The following GRIK2 variants were observed in gnomAD, a reference collection of about 807,000 sequenced individuals.
GRIK2 encodes glutamate ionotropic receptor kainate type subunit 2.
In GRIK2, 32 loss-of-function variants were observed where a neutral mutation model predicts 100.3. The observed-to-expected ratio is 0.32, with a 90% confidence interval of 0.24 to 0.43. The LOEUF is 0.43. Among genes scored for constraint, GRIK2 ranks in the 20% least tolerant of loss-of-function variants. GRIK2 has a pLI of 1.00. For missense variants in GRIK2, 843 were observed against 1,114.9 expected (o/e 0.76, Z 3.47); for synonymous variants, 417 against 389.4 (o/e 1.07, Z -0.83).
chr6:101,396,896 G>A lies in GRIK2; in HGVS notation c.-293-2089G>A, dbSNP rs187054781. ...ATATGTGCAAAATTGGTTCTTTGGGGATCAATTAATATTAAAAAAGTACAA... is the reference window on the plus strand; with the variant it reads ...ATATGTGCAAAATTGGTTCTTTGGGAATCAATTAATATTAAAAAAGTACAA... On this transcript the variant is annotated intron_variant, in intron 1 of 16. Coordinates refer to ENST00000369134, the MANE Select transcript of GRIK2 (RefSeq NM_021956.5). 1.6e-3 allele frequency among the ~76,000 whole-genome samples: 246 copies of A among 152,088 alleles called. 1 individual carries two copies. Among genetic ancestry groups the A allele is most frequent in the Middle Eastern group, 3.4e-3 (1 of 294 alleles).
intron 14 of GRIK2, chr6:101,993,284 C>T (rs1381934326): frequency 1.3e-5 from 2 of 151,034 alleles, no homozygotes; most frequent in Non-Finnish European, 3.0e-5. Context: ...TGATTAATCT[C>T]TTCCATCTTA....
chr6:101,884,455 T>C (rs193228899), intron 11 of GRIK2, among the ~76,000 whole-genome samples: 1 of 152,260 alleles, frequency 6.6e-6, no homozygotes, highest in Admixed American at 6.6e-5. Context: ...TTCTTTGATT[T>C]CTGAAACTTC....
At chr6:101,919,392 A>T (rs1176529415) in intron 12 of GRIK2, among the ~76,000 whole-genome samples, 3 of 151,824 alleles carry the variant, frequency 2.0e-5, no homozygotes, top group African/African-American at 7.2e-5. Flanking sequence ...AAATAGTAAA[A>T]GAAGATACAC....
intron 14 of GRIK2, among the ~76,000 whole-genome samples, chr6:101,988,128 TGTGTGCGCGCGCGCGCGC>T (rs1467255229): frequency 5.0e-5 from 1 of 20,170 alleles, no homozygotes; most frequent in East Asian, 1.3e-3. Flanking sequence ...TGTGTGTGTG[TGTGTGCGCGCGCGCGCGC>T]GCGCGCGCGT....
At chr6:102,016,186 T>C (rs1422039010) in intron 14 of GRIK2, among the ~76,000 whole-genome samples, 1 of 151,682 alleles carries the variant, frequency 6.6e-6, no homozygotes, top group Non-Finnish European at 1.5e-5. Flanking sequence ...ATTCAGAGAG[T>C]GAACAGGAAT....
intron 2 of GRIK2, among the ~76,000 whole-genome samples, chr6:101,571,632 A>T (rs1450027161): frequency 6.6e-6 from 1 of 152,154 alleles, no homozygotes; most frequent in African/African-American, 2.4e-5. Flanking sequence ...ATAGCTTAAT[A>T]AATTAAAAGA....
intron 16 of GRIK2, among the ~76,000 whole-genome samples, chr6:102,063,758 T>TAAAA (rs34730340): frequency 0.024 from 3,538 of 144,526 alleles, 99 homozygotes; most frequent in African/African-American, 0.066. Flanking sequence ...TAGAGCTCTT[T>TAAAA]AAAAAAAAAA....
Position 101,648,964 on chromosome 6 carries a change from T to C in GRIK2, c.541+22327T>C, listed in dbSNP as rs989876948. Among the ~76,000 whole-genome samples the C allele has an allele frequency of 3.9e-5, 6 of 152,058 alleles. 1 individual carries two copies. Among genetic ancestry groups the C allele is most frequent in the Admixed American group, 6.6e-5 (1 of 15,248 alleles). ...AATTCCTATTTATAAAACCATCTGT[T>C]CTTGTGAGACTTATTCACTACCACA... On this transcript the variant is annotated intron_variant, in intron 4 of 16. Coordinates refer to ENST00000369134, the MANE Select transcript of GRIK2 (RefSeq NM_021956.5).
intron 4 of GRIK2, among the ~76,000 whole-genome samples, chr6:101,654,035 T>G (rs961969935): frequency 3.3e-5 from 5 of 152,216 alleles, no homozygotes; most frequent in African/African-American, 1.2e-4. Context: ...GTTTAAACTG[T>G]GAGGTCTCTA....
intron 2 of GRIK2, among the ~76,000 whole-genome samples, chr6:101,604,512 TG>T (rs1403440974): frequency 6.6e-6 from 1 of 151,902 alleles, no homozygotes; most frequent in Non-Finnish European, 1.5e-5. Flanking sequence ...CTTTAAGTGC[TG>T]TTGGAATTTA....
intron 2 of GRIK2, among the ~76,000 whole-genome samples, chr6:101,569,906 A>G (rs1053246260): frequency 6.6e-6 from 1 of 152,144 alleles, no homozygotes; most frequent in Non-Finnish European, 1.5e-5. Context: ...TTGCCTTCTT[A>G]AATAAATAGT....
intron 2 of GRIK2, among the ~76,000 whole-genome samples, chr6:101,433,785 TAA>T (rs1769558310): frequency 6.6e-6 from 1 of 152,190 alleles, no homozygotes. Context: ...ACGGTTTGAT[TAA>T]AAGAGAAAAC....
At chr6:101,761,128 G>A (rs1777633108) in intron 7 of GRIK2, among the ~76,000 whole-genome samples, 1 of 152,020 alleles carries the variant, frequency 6.6e-6, no homozygotes, top group Non-Finnish European at 1.5e-5. Flanking sequence ...TAGCATTCAG[G>A]GAGAAGAGGA....
intron 2 of GRIK2, among the ~76,000 whole-genome samples, chr6:101,540,506 T>C (rs1775936114): frequency 6.6e-6 from 1 of 151,940 alleles, no homozygotes; most frequent in Non-Finnish European, 1.5e-5. Flanking sequence ...TCTCATGTAC[T>C]GCATTTATAC....
At chr6:101,746,552 C>T (rs1258171782) in intron 7 of GRIK2, among the ~76,000 whole-genome samples, 1 of 152,094 alleles carries the variant, frequency 6.6e-6, no homozygotes, top group Non-Finnish European at 1.5e-5. Flanking sequence ...GTCTTGAACT[C>T]CTGACCTCAA....
intron 2 of GRIK2, among the ~76,000 whole-genome samples, chr6:101,532,752 A>G (rs1205401205): frequency 6.6e-6 from 1 of 151,788 alleles, no homozygotes; most frequent in East Asian, 1.9e-4. Context: ...TCAGAGTCCT[A>G]AAGAGATCTT....
chr6:101,743,379 G>T (rs898207308), intron 7 of GRIK2, among the ~76,000 whole-genome samples: 4 of 152,218 alleles, frequency 2.6e-5, no homozygotes, highest in African/African-American at 9.6e-5. Context: ...GATGGGTTAA[G>T]TTTGGTGGGC....
intron 2 of GRIK2, among the ~76,000 whole-genome samples, chr6:101,422,700 G>T (rs1776468790): frequency 6.6e-6 from 1 of 151,392 alleles, no homozygotes; most frequent in African/African-American, 2.4e-5. Flanking sequence ...GAAACAAAGA[G>T]ACACTTTTGA....
chr6:101,708,303 T>C (rs992729706), intron 7 of GRIK2, among the ~76,000 whole-genome samples: 5 of 151,684 alleles, frequency 3.3e-5, no homozygotes, highest in Admixed American at 1.3e-4. Flanking sequence ...TTTAAAGAAA[T>C]GGAAATCAGC....
Sources: allele counts gnomAD v4.1 joint callset (sites outside exome capture counted in the v4.1 genomes callset), GRCh38; gene constraint gnomAD v4.1.1; transcripts MANE v1.5; gene names NCBI Gene and HGNC (gene_info 2026-07-23, HGNC 2026-07-21).